The following DGKB variants were observed in gnomAD, a reference collection of about 807,000 sequenced individuals.
DGKB encodes the protein 90 kDa diacylglycerol kinase.
Under a neutral mutation model 114.3 loss-of-function variants are expected in DGKB, and 67 were observed. The observed-to-expected ratio is 0.59, with a 90% CI of 0.48 to 0.72. The LOEUF is 0.72. DGKB is among the 30% of genes least tolerant of loss of function. The probability of loss-of-function intolerance (pLI) is 0.00; values close to 1 mark genes in which losing one functional copy is unlikely to be tolerated. For synonymous variants in DGKB, 398 were observed against 323.1 expected (o/e 1.23, Z -2.49); for missense variants, 907 against 975.2 (o/e 0.93, Z 0.93).
intron 1 of DGKB, among the ~76,000 whole-genome samples, chr7:14,879,803 T>C (rs952842211): frequency 4.6e-5 from 7 of 152,172 alleles, no homozygotes; most frequent in African/African-American, 1.7e-4. Context: ...TCTCTTAAAG[T>C]GAAATAATCC....
chr7:14,341,156 C>T (rs1020007942), intron 22 of DGKB, among the ~76,000 whole-genome samples: 9 of 151,662 alleles, frequency 5.9e-5, no homozygotes, highest in African/African-American at 1.7e-4. Flanking sequence ...CTCAAACAGT[C>T]GCAAAGAACA....
chr7:14,699,742 A>T (rs1824772598), intron 7 of DGKB, among the ~76,000 whole-genome samples: 1 of 152,154 alleles, frequency 6.6e-6, no homozygotes, highest in African/African-American at 2.4e-5. Flanking sequence ...TTGTGGAGAA[A>T]ACCCTAGAAA....
At chr7:14,718,977 AAG>A in intron 5 of DGKB, 1 of 222,778 alleles carries the variant, frequency 4.5e-6, no homozygotes, top group Non-Finnish European at 8.6e-6. Context: ...TGAATGCTTG[AAG>A]ACCCACTTCC....
intron 20 of DGKB, among the ~76,000 whole-genome samples, chr7:14,511,890 C>T (rs1788028978): frequency 6.6e-6 from 1 of 152,308 alleles, no homozygotes; most frequent in African/African-American, 2.4e-5. Context: ...TCTCCATCAG[C>T]AGTCAGCGAA....
rs997102742 is a variant in DGKB at position 14,356,352 on chromosome 7, CTTTTTTTTTTT to C, written c.1836-10972_1836-10962del. 1.7e-3 allele frequency among the ~76,000 whole-genome samples: 128 copies of C among 77,232 alleles called. 1 individual carries two copies. Among genetic ancestry groups the C allele is most frequent in the African/African-American group, 5.5e-3 (105 of 19,128 alleles). The allele number at this position is 77,232 out of a possible 152,430, so 50.7% of individuals were successfully genotyped here. On this transcript the variant is annotated intron_variant, in intron 21 of 25. Coordinates refer to ENST00000402815, the MANE Select transcript of DGKB (RefSeq NM_001350709.2). ...TTTGTTTGCTCTTGCTTCTCTAGTT[CTTTTTTTTTTT>C]TTTTTTTTTTTTTTTTGAGACGGAG...
chr7:14,878,589 C>CA (rs1853672979), intron 1 of DGKB, among the ~76,000 whole-genome samples: 1 of 151,854 alleles, frequency 6.6e-6, no homozygotes, highest in Admixed American at 6.6e-5. Context: ...ACTAAGAATA[C>CA]AAAAACAAAA....
At chr7:14,650,686 C>CA (rs1814248646) in intron 13 of DGKB, among the ~76,000 whole-genome samples, 1 of 101,958 alleles carries the variant, frequency 9.8e-6, no homozygotes, top group Non-Finnish European at 2.0e-5. Flanking sequence ...AAAAACCCTT[C>CA]AAAAAATTAA....
At chr7:14,675,867 A>G (rs1453774310) in intron 12 of DGKB, among the ~76,000 whole-genome samples, 1 of 152,096 alleles carries the variant, frequency 6.6e-6, no homozygotes, top group African/African-American at 2.4e-5. Context: ...CATCAACATT[A>G]TGACGTTGTT....
intron 2 of DGKB, among the ~76,000 whole-genome samples, chr7:14,827,713 T>C (rs970649930): frequency 6.6e-6 from 1 of 152,036 alleles, no homozygotes; most frequent in African/African-American, 2.4e-5. Flanking sequence ...GAAAGACTTA[T>C]GGGGGGTATG....
intron 2 of DGKB, among the ~76,000 whole-genome samples, chr7:14,764,574 G>C (rs1006194132): frequency 6.6e-6 from 1 of 151,848 alleles, no homozygotes; most frequent in African/African-American, 2.4e-5. Context: ...CTAGTCATGA[G>C]GACCTTTAAA....
intron 23 of DGKB, among the ~76,000 whole-genome samples, chr7:14,235,852 T>A (rs1792680507): frequency 1.3e-5 from 2 of 152,092 alleles, no homozygotes; most frequent in South Asian, 4.1e-4. Context: ...TAAAACTTAG[T>A]GGCAACATAT....
At chr7:14,357,260 C>T (rs967096247) in intron 21 of DGKB, among the ~76,000 whole-genome samples, 1 of 152,094 alleles carries the variant, frequency 6.6e-6, no homozygotes, top group Non-Finnish European at 1.5e-5. Context: ...TAAGGACTTG[C>T]TTTATGAATC....
intron 13 of DGKB, among the ~76,000 whole-genome samples, chr7:14,654,995 A>G (rs1436780565): frequency 6.6e-6 from 1 of 151,938 alleles, no homozygotes; most frequent in Non-Finnish European, 1.5e-5. Context: ...ATAAGGTTAC[A>G]AAGGCACAGG....
At chr7:14,439,580 C>T (rs948803545) in intron 21 of DGKB, among the ~76,000 whole-genome samples, 12 of 151,956 alleles carry the variant, frequency 7.9e-5, no homozygotes, top group African/African-American at 1.2e-4. Flanking sequence ...AAAACATAAA[C>T]ATTAGAGGCA....
At chr7:14,781,830 T>C (rs1586463554) in intron 2 of DGKB, among the ~76,000 whole-genome samples, 1 of 152,146 alleles carries the variant, frequency 6.6e-6, no homozygotes, top group Non-Finnish European at 1.5e-5. Flanking sequence ...ACAATCCTTT[T>C]GAATAATGCA....
intron 20 of DGKB, among the ~76,000 whole-genome samples, chr7:14,557,534 C>A (rs534741663): frequency 6.6e-6 from 1 of 151,934 alleles, no homozygotes; most frequent in Admixed American, 6.6e-5. Context: ...TGTCTTGTAG[C>A]TTTTTCCTAG....
chr7:14,630,149 G>A, intron 14 of DGKB, 87 bp downstream of exon 14: 1 of 797,378 alleles, frequency 1.3e-6, no homozygotes, highest in South Asian at 2.3e-5. Context: ...GAATGTCACT[G>A]AGCCAGCACA....
chr7:14,945,488 A>G (rs1785822817), intron 1 of DGKB, among the ~76,000 whole-genome samples: 1 of 151,852 alleles, frequency 6.6e-6, no homozygotes, highest in African/African-American at 2.4e-5. Flanking sequence ...TGTACTTACA[A>G]TATTAAAAAC....
chr7:14,614,353 A>G (rs1355038650), intron 15 of DGKB, among the ~76,000 whole-genome samples: 1 of 152,122 alleles, frequency 6.6e-6, no homozygotes, highest in African/African-American at 2.4e-5. Context: ...TTCCTATTCA[A>G]TGTAACCCTA....
Sources: gnomAD v4.1 joint callset for allele counts (sites outside exome capture counted in the v4.1 genomes callset) on GRCh38, gnomAD v4.1.1 for gene constraint, MANE v1.5 for transcripts, NCBI Gene and HGNC (gene_info 2026-07-23, HGNC 2026-07-21) for gene names.